The following MAN2B2 variants were observed in gnomAD, a reference collection of about 807,000 sequenced individuals.
MAN2B2 encodes the protein mannosidase alpha class 2B member 2.
In MAN2B2, 106 loss-of-function variants were observed where a neutral mutation model predicts 117.1. The observed-to-expected ratio is 0.90, with a 90% CI of 0.77 to 1.06. MAN2B2 has a LOEUF of 1.06. MAN2B2 is among the 50% of genes least tolerant of loss of function. The probability of loss-of-function intolerance (pLI) is 0.00; values close to 1 mark genes in which losing one functional copy is unlikely to be tolerated. For synonymous variants in MAN2B2, 544 were observed against 595.1 expected (o/e 0.91, Z 1.25); for missense variants, 1,326 against 1,381.4 (o/e 0.96, Z 0.64).
intron 5 of MAN2B2, among the ~76,000 whole-genome samples, chr4:6,592,187 C>A (rs1015542772): frequency 6.6e-6 from 1 of 152,236 alleles, no homozygotes; most frequent in African/African-American, 2.4e-5. Context: ...GGGTGAAGAA[C>A]ACTGGCCGGG....
intron 13 of MAN2B2, among the ~76,000 whole-genome samples, chr4:6,610,589 GGTTT>G (rs1727732111): frequency 6.6e-6 from 1 of 152,204 alleles, no homozygotes; most frequent in Non-Finnish European, 1.5e-5. Flanking sequence ...CTTGTGCCTC[GGTTT>G]CCTCTCCTGT....
intron 11 of MAN2B2, among the ~76,000 whole-genome samples, chr4:6,607,772 G>A (rs889852518): frequency 6.6e-6 from 1 of 152,152 alleles, no homozygotes; most frequent in African/African-American, 2.4e-5. Flanking sequence ...TCAGTCACAA[G>A]CTAACTCTAT....
chr4:6,575,737 G>A (rs1267166997), intron 1 of MAN2B2, among the ~76,000 whole-genome samples: 2 of 152,186 alleles, frequency 1.3e-5, no homozygotes, highest in Non-Finnish European at 2.9e-5. Context: ...CTGAATATTG[G>A]AGGCCAGCTC....
chr4:6,590,022 G>A (rs1726794453), intron 5 of MAN2B2, among the ~76,000 whole-genome samples: 1 of 151,824 alleles, frequency 6.6e-6, no homozygotes, highest in Non-Finnish European at 1.5e-5. Context: ...AGCTCTGATG[G>A]TACCACTGCA....
intron 4 of MAN2B2, among the ~76,000 whole-genome samples, chr4:6,587,561 C>T (rs552250817): frequency 1.0e-3 from 157 of 152,278 alleles, no homozygotes; most frequent in South Asian, 1.0e-3. Flanking sequence ...TTACCAGAGA[C>T]GCTGTGATTC....
chr4:6,591,279 G>A (rs1726850263), intron 5 of MAN2B2, among the ~76,000 whole-genome samples: 1 of 152,232 alleles, frequency 6.6e-6, no homozygotes, highest in Non-Finnish European at 1.5e-5. Flanking sequence ...CCCGTGGTGA[G>A]GGAGGGGTCC....
Position 6,614,359 on chromosome 4 carries a change from A to G in MAN2B2, c.2701+4A>G. On this transcript the variant is annotated splice_donor_region_variant and intron_variant, in intron 16 of 18. Coordinates refer to ENST00000285599, the MANE Select transcript of MAN2B2 (RefSeq NM_015274.3). ...CACTCTCAGAATCTCCGGAAAGGTG[A>G]GGCAGGTGCCCTGGCGTCTCAGACC... 6.2e-7 allele frequency: 1 copy of G among 1,613,380 alleles called. No individual in the cohort carries two copies. Among genetic ancestry groups the G allele is most frequent in the Non-Finnish European group, 8.5e-7 (1 of 1,179,552 alleles).
intron 2 of MAN2B2, among the ~76,000 whole-genome samples, chr4:6,577,226 T>G (rs944299481): frequency 3.3e-5 from 5 of 152,048 alleles, no homozygotes; most frequent in Admixed American, 3.3e-4. Flanking sequence ...CCCATCCTGC[T>G]CCCGCACCAG....
At chr4:6,575,599 G>A (rs544223723) in intron 1 of MAN2B2, among the ~76,000 whole-genome samples, 45 of 152,382 alleles carry the variant, frequency 3.0e-4, no homozygotes, top group Admixed American at 2.7e-3. Context: ...GGCTGGGGAG[G>A]GGCTTGGGGG....
In MAN2B2 at chr4:6,600,650, C is replaced by T. The variant is rs1435636529; in HGVS notation, c.1433C>T (p.Ser478Leu). The T allele has an allele frequency of 1.6e-5, 26 of 1,613,816 alleles. No individual in the cohort carries two copies. Among genetic ancestry groups the T allele is most frequent in the African/African-American group, 2.7e-5 (2 of 74,934 alleles). Reference protein sequence around the residue: ...SDAGPAGHFASVYNPLAWTVT... With the variant: ...SDAGPAGHFALVYNPLAWTVT... The stretch of plus-strand genomic sequence containing the variant: ...GCAGGACCTGCAGGACATTTTGCCT[C>T]GGTCTACAACCCGCTGGCCTGGACG... The change falls in exon 10 of 19, where the codon TCG becomes TTG. Residue 478 changes from serine (S) to leucine (L), a missense_variant. Transcript: ENST00000285599.
In MAN2B2 at chr4:6,597,230, C is replaced by T. The variant is rs748696051; in HGVS notation, c.1175C>T (p.Pro392Leu). The T allele has an allele frequency of 1.6e-5, 26 of 1,606,216 alleles. No homozygotes were observed. Among genetic ancestry groups the T allele is most frequent in the South Asian group, 4.4e-5 (4 of 90,608 alleles). ...TCCATGTTCACACGCTACCTGTGGCCGGCCCCCCGTGGGCATCTGGACCCC... is the reference window on the plus strand; with the variant it reads ...TCCATGTTCACACGCTACCTGTGGCTGGCCCCCCGTGGGCATCTGGACCCC... Reference protein sequence around the residue: ...GESMFTRYLWPAPRGHLDPTW... With the variant: ...GESMFTRYLWLAPRGHLDPTW... The change falls in exon 8 of 19, where the codon CCG (proline) becomes CTG (leucine). Residue 392 changes from proline (P) to leucine (L), a missense_variant. Transcript: ENST00000285599.
Position 6,598,196 on chromosome 4 carries a change from A to G in MAN2B2, c.1249-2A>G. The G allele has an allele frequency of 1.2e-6, 2 of 1,612,394 alleles. No homozygotes were observed. The highest frequency in any genetic ancestry group is 8.5e-7 in the Non-Finnish European group (1 of 1,179,032). On this transcript the variant is annotated splice_acceptor_variant, in intron 8 of 18. Transcript: ENST00000285599. LOFTEE classifies it high-confidence loss of function. ...CTTCCTCCCCTCTGGGGGTTGCTGC[A>G]GGTCCAGCACCATGATGCCATCACT... is the stretch of plus-strand genomic sequence containing the variant.
At chr4:6,613,732 C>T (rs1400747910) in intron 15 of MAN2B2, among the ~76,000 whole-genome samples, 14 of 63,414 alleles carry the variant, frequency 2.2e-4, no homozygotes, top group Admixed American at 7.2e-4. Flanking sequence ...GGGAAGGGAA[C>T]GGAAGGGAGG....
intron 16 of MAN2B2, among the ~76,000 whole-genome samples, chr4:6,615,154 G>C (rs1711803499): frequency 6.6e-6 from 1 of 152,244 alleles, no homozygotes; most frequent in South Asian, 2.1e-4. Context: ...CCAGCACTTA[G>C]GGGATCCGAG....
chr4:6,591,140 T>C (rs1334049549), intron 5 of MAN2B2, among the ~76,000 whole-genome samples: 4 of 151,650 alleles, frequency 2.6e-5, no homozygotes, highest in South Asian at 2.1e-4. Context: ...AATCAGACTC[T>C]ATCTCAAAAC....
At chr4:6,598,819 G>A (rs1298827004) in intron 9 of MAN2B2, among the ~76,000 whole-genome samples, 1 of 152,174 alleles carries the variant, frequency 6.6e-6, no homozygotes, top group African/African-American at 2.4e-5. Context: ...GTGTCCTCAG[G>A]GGCCCGGTCC....
rs200155334 is a variant in MAN2B2 at position 6,609,912 on chromosome 4, C to T, written c.2121C>T (p.Gly707=). The T allele has an allele frequency of 5.6e-6, 9 of 1,614,136 alleles. No homozygotes were observed. Among genetic ancestry groups the T allele is most frequent in the East Asian group, 4.5e-5 (2 of 44,872 alleles). ...GGATAGAGCAGGAGTACCAAGCCGG[C>T]CCCCTGGAGCTGAACCGTGAGGCTG... The part of the protein sequence containing the change: ...CHRIEQEYQA[G]PLELNREAVL... Residue 707 remains glycine (G), a synonymous_variant, in exon 13 of 19, where the codon GGC becomes GGT. Coordinates refer to ENST00000285599, the MANE Select transcript of MAN2B2 (RefSeq NM_015274.3).
At position 6,596,091 on chromosome 4, in the gene MAN2B2, G is replaced by A. The variant is rs139314722; in HGVS notation, c.1058-1022G>A. Among the ~76,000 whole-genome samples the A allele has an allele frequency of 2.5e-3, 375 of 151,532 alleles. 1 individual carries two copies. Among genetic ancestry groups the A allele is most frequent in the Non-Finnish European group, 2.6e-3 (180 of 67,976 alleles). On this transcript the variant is annotated intron_variant, in intron 7 of 18. Coordinates refer to ENST00000285599, the MANE Select transcript of MAN2B2 (RefSeq NM_015274.3). ...ATCTAGCAGGTAGGGATATACCCGA[G>A]TCAAGTTGGGTGTGGCTCTGTCCAG...
intron 11 of MAN2B2, among the ~76,000 whole-genome samples, chr4:6,606,090 T>C (rs1727535482): frequency 6.6e-6 from 1 of 152,190 alleles, no homozygotes; most frequent in Non-Finnish European, 1.5e-5. Context: ...TGTCTCCTGA[T>C]GTGACCTTCT....
Sources: gnomAD v4.1 joint callset for allele counts (sites outside exome capture counted in the v4.1 genomes callset) on GRCh38, gnomAD v4.1.1 for gene constraint, MANE v1.5 for transcripts, NCBI Gene and HGNC (gene_info 2026-07-23, HGNC 2026-07-21) for gene names.